DNAH11: variants seen among roughly 807,000 people sequenced by gnomAD.
The protein encoded by DNAH11 is axonemal beta dynein heavy chain 11.
In DNAH11, 442 loss-of-function variants were observed where a neutral mutation model predicts 526.0. The ratio of observed to expected loss-of-function variants is 0.84; its 90% CI spans 0.78 to 0.91. The LOEUF is 0.91. Ranked by LOEUF, DNAH11 falls within the 40% of genes least tolerant of loss-of-function variation. The probability of loss-of-function intolerance (pLI) is 0.00; values close to 1 mark genes in which losing one functional copy is unlikely to be tolerated. For missense variants in DNAH11, 6,989 were observed against 5,448.7 expected, an observed-to-expected ratio of 1.28 and a Z score of -8.90; for synonymous variants, 2,461 against 1,935.9, an observed-to-expected ratio of 1.27 and a Z score of -7.12.
intron 45 of DNAH11, among the ~76,000 whole-genome samples, chr7:21,734,450 G>T (rs186802515): frequency 1.3e-5 from 2 of 152,288 alleles, no homozygotes; most frequent in South Asian, 2.1e-4. Context: ...GAGTTGTCTA[G>T]GACTGTTTAG....
At chr7:21,696,818 A>C (rs534790948) in intron 35 of DNAH11, among the ~76,000 whole-genome samples, 2 of 152,264 alleles carry the variant, frequency 1.3e-5, no homozygotes, top group Admixed American at 1.3e-4. Flanking sequence ...GGTACCTCAT[A>C]GTGTTGTGGG....
At chr7:21,636,365 T>C (rs1305399297) in intron 26 of DNAH11, among the ~76,000 whole-genome samples, 1 of 152,214 alleles carries the variant, frequency 6.6e-6, no homozygotes, top group Non-Finnish European at 1.5e-5. Context: ...AAAGCTTTAC[T>C]TGTAGACACT....
At chr7:21,871,562 A>G (rs1783495365) in intron 73 of DNAH11, among the ~76,000 whole-genome samples, 1 of 152,244 alleles carries the variant, frequency 6.6e-6, no homozygotes, top group African/African-American at 2.4e-5. Context: ...CCCATAAGAC[A>G]GAGAATGAAG....
At chr7:21,643,227 T>C (rs188731975) in intron 28 of DNAH11, among the ~76,000 whole-genome samples, 2 of 152,306 alleles carry the variant, frequency 1.3e-5, no homozygotes, top group East Asian at 3.9e-4. Flanking sequence ...TGAACTAGTA[T>C]AGTTGTTAAA....
chr7:21,630,454 A>G (rs757415917), intron 25 of DNAH11, among the ~76,000 whole-genome samples: 5 of 152,142 alleles, frequency 3.3e-5, no homozygotes, highest in Non-Finnish European at 4.4e-5. Context: ...GTGTTTTTCT[A>G]TTTCAGATTG....
At chr7:21,613,474 A>C (rs1356122794) in intron 20 of DNAH11, among the ~76,000 whole-genome samples, 2 of 152,180 alleles carry the variant, frequency 1.3e-5, no homozygotes, top group Non-Finnish European at 2.9e-5. Flanking sequence ...AACATTTTAA[A>C]ACTAAAAGAA....
intron 30 of DNAH11, among the ~76,000 whole-genome samples, chr7:21,662,093 T>A (rs1782263362): frequency 6.6e-6 from 1 of 152,150 alleles, no homozygotes; most frequent in South Asian, 2.1e-4. Flanking sequence ...GTGCTGGGAT[T>A]ATAGACATGA....
chr7:21,803,368 G>C (rs555942110), intron 62 of DNAH11, among the ~76,000 whole-genome samples: 3 of 152,108 alleles, frequency 2.0e-5, no homozygotes, highest in African/African-American at 7.2e-5. Flanking sequence ...GCCTCTCCAC[G>C]CTCAGCAAGT....
intron 24 of DNAH11, 106 bp from the exon 25 acceptor site, chr7:21,619,850 A>G (rs537134336): frequency 4.7e-6 from 5 of 1,063,102 alleles, no homozygotes; most frequent in South Asian, 4.6e-5. Flanking sequence ...AATACTTGAT[A>G]TCAGTTTGCA....
chr7:21,614,576 T>C (rs1298515286), intron 20 of DNAH11, among the ~76,000 whole-genome samples: 2 of 152,230 alleles, frequency 1.3e-5, no homozygotes, highest in Non-Finnish European at 2.9e-5. Context: ...GGGTATATAA[T>C]TGAACCTTGA....
At chr7:21,693,770 C>A (rs936406535) in intron 35 of DNAH11, among the ~76,000 whole-genome samples, 1 of 151,998 alleles carries the variant, frequency 6.6e-6, no homozygotes, top group Non-Finnish European at 1.5e-5. Flanking sequence ...TTAGTCCATT[C>A]TCACACTGCT....
intron 25 of DNAH11, among the ~76,000 whole-genome samples, chr7:21,633,815 A>C (rs866789222): frequency 6.6e-6 from 1 of 152,200 alleles, no homozygotes; most frequent in Non-Finnish European, 1.5e-5. Flanking sequence ...GTAGTCTATT[A>C]TTCTTCAAAA....
rs752071234 is a variant in DNAH11, at chr7:21,818,218, T to G, written c.10570T>G (p.Phe3524Val). ...TCTCAAATCCCACTGAATTTTAAGG[T>G]TTTTGAATGCCATTGAAACTGCTTT... ...LKVTHLGQKG[F>V]LNAIETALAF... Residue 3524 changes from phenylalanine to valine, a missense_variant and splice_region_variant, in exon 65 of 82, where the codon TTT becomes GTT. Coordinates refer to ENST00000409508, the MANE Select transcript of DNAH11 (RefSeq NM_001277115.2). 3 of 1,608,638 alleles carry G rather than the reference T, an allele frequency of 1.9e-6. No homozygotes were observed. In the South Asian group the frequency reaches 3.4e-5, roughly 18 times the overall value.
At chr7:21,716,734 A>G (rs1784680101) in intron 42 of DNAH11, among the ~76,000 whole-genome samples, 1 of 152,194 alleles carries the variant, frequency 6.6e-6, no homozygotes, top group African/African-American at 2.4e-5. Context: ...GCTACCACAC[A>G]GGGACATTCT....
At chr7:21,698,039 C>A in intron 35 of DNAH11, 36 bp from the exon 36 acceptor site, 1 of 1,578,104 alleles carries the variant, frequency 6.3e-7, no homozygotes, top group South Asian at 1.2e-5. Flanking sequence ...ATCACCTTGT[C>A]ACATTTTAAA....
chr7:21,765,295 C>T (rs1787125828), intron 54 of DNAH11, 133 bp from the exon 55 acceptor site: 1 of 1,289,058 alleles, frequency 7.8e-7, no homozygotes, highest in Non-Finnish European at 1.1e-6. Context: ...TGTTGCTGTC[C>T]ACTCTCTAGG....
intron 30 of DNAH11, among the ~76,000 whole-genome samples, chr7:21,670,835 C>G (rs571510323): frequency 6.6e-6 from 1 of 151,554 alleles, no homozygotes; most frequent in African/African-American, 2.4e-5. Context: ...GAATAATAAA[C>G]AATTGGTTAT....
At chr7:21,658,568 A>G (rs1013892664) in intron 29 of DNAH11, among the ~76,000 whole-genome samples, 1 of 152,086 alleles carries the variant, frequency 6.6e-6, no homozygotes, top group Non-Finnish European at 1.5e-5. Context: ...CTGGTGGGTA[A>G]AGTCAGATGA....
chr7:21,867,785 T>G, intron 71 of DNAH11, 74 bp from the exon 72 acceptor site: 1 of 1,439,796 alleles, frequency 6.9e-7, no homozygotes, highest in Non-Finnish European at 9.6e-7. Context: ...CTGTGTGGTT[T>G]AAGCTTATCC....
Sources: gnomAD v4.1 joint callset for allele counts (sites outside exome capture counted in the v4.1 genomes callset) on GRCh38, gnomAD v4.1.1 for gene constraint, MANE v1.5 for transcripts, NCBI Gene and HGNC (gene_info 2026-07-23, HGNC 2026-07-21) for gene names.